Variants in CFDP1 observed in about 807,000 individuals in gnomAD.
The protein encoded by CFDP1 is heterochromatin-stabilizing protein CFDP1.
CFDP1 carries 31 observed loss-of-function variants against 40.1 expected under a neutral mutation model. The observed-to-expected ratio is 0.77, with a 90% CI of 0.58 to 1.04. The LOEUF is 1.04. CFDP1 is among the 50% of genes least tolerant of loss of function. The pLI is 0.00. For synonymous variants in CFDP1, 167 were observed against 120.0 expected, an observed-to-expected ratio of 1.39 and a Z score of -2.56; for missense variants, 423 against 343.4, an observed-to-expected ratio of 1.23 and a Z score of -1.83.
chr16:75,385,466 A>C (rs1306270943), intron 5 of CFDP1, among the ~76,000 whole-genome samples: 1 of 152,202 alleles, frequency 6.6e-6, no homozygotes, highest in African/African-American at 2.4e-5. Context: ...CAGCAACAAC[A>C]AAGTTTTTGT....
At chr16:75,309,833 A>AAAC (rs1469062254) in intron 5 of CFDP1, among the ~76,000 whole-genome samples, 5 of 150,586 alleles carry the variant, frequency 3.3e-5, no homozygotes, top group Non-Finnish European at 7.4e-5. Context: ...AAAAAAAAAA[A>AAAC]AAAAAAAAAA....
intron 5 of CFDP1, among the ~76,000 whole-genome samples, chr16:75,331,107 G>C (rs768994349): frequency 6.6e-6 from 1 of 152,136 alleles, no homozygotes; most frequent in South Asian, 2.1e-4. Flanking sequence ...CCCTGTTCCA[G>C]TGGGGGCCAA....
chr16:75,410,908 CAAAAAA>C (rs74355496), intron 4 of CFDP1, among the ~76,000 whole-genome samples: 1 of 62,608 alleles, frequency 1.6e-5, no homozygotes, highest in African/African-American at 6.5e-5. Context: ...GACTCTGTCT[CAAAAAA>C]AAAAAAAAAA....
At chr16:75,386,591 G>A (rs952902875) in intron 5 of CFDP1, among the ~76,000 whole-genome samples, 1 of 152,122 alleles carries the variant, frequency 6.6e-6, no homozygotes, top group Non-Finnish European at 1.5e-5. Flanking sequence ...CGGGCGTGGT[G>A]GCAGGCTCCT....
At chr16:75,302,288 T>C (rs1165657446) in intron 6 of CFDP1, among the ~76,000 whole-genome samples, 2 of 152,066 alleles carry the variant, frequency 1.3e-5, no homozygotes, top group Non-Finnish European at 2.9e-5. Flanking sequence ...TGGGCCAGGG[T>C]CTCACTCTTT....
chr16:75,319,474 T>C (rs1300117652), intron 5 of CFDP1, among the ~76,000 whole-genome samples: 1 of 152,276 alleles, frequency 6.6e-6, no homozygotes, highest in East Asian at 1.9e-4. Context: ...TTATGGTCGT[T>C]GCATTACACG....
chr16:75,431,379 G>A (rs2079412862), intron 1 of CFDP1, among the ~76,000 whole-genome samples: 2 of 144,022 alleles, frequency 1.4e-5, no homozygotes, highest in Non-Finnish European at 3.0e-5. Context: ...GCGTGAACCC[G>A]GGAGGCAGAG....
intron 6 of CFDP1, among the ~76,000 whole-genome samples, chr16:75,294,613 T>G (rs369462731): frequency 6.6e-6 from 1 of 152,194 alleles, no homozygotes; most frequent in African/African-American, 2.4e-5. Context: ...GTGCACACTT[T>G]AGAAGTGATT....
chr16:75,293,854 G>T lies in CFDP1; in HGVS notation c.*98C>A. On this transcript the variant is annotated 3_prime_UTR_variant, in exon 7 of 7. Coordinates refer to ENST00000283882, the MANE Select transcript of CFDP1 (RefSeq NM_006324.3). Reference sequence around the variant, plus strand: ...TGTAGAAAAAAAAAAGACCTTGCTGGGAAACAGATGATGAGAAACACTGTA... The same window carrying T: ...TGTAGAAAAAAAAAAGACCTTGCTGTGAAACAGATGATGAGAAACACTGTA... 1.0e-6 allele frequency: 1 copy of T among 964,540 alleles called. No homozygotes were observed. The highest frequency in any genetic ancestry group is 2.5e-5 in the East Asian group (1 of 40,038). 59.7% of individuals were successfully genotyped at this position (964,540 alleles called of 1,614,324 possible).
At chr16:75,424,560 T>C (rs530498955) in intron 1 of CFDP1, among the ~76,000 whole-genome samples, 10 of 152,006 alleles carry the variant, frequency 6.6e-5, no homozygotes, top group Admixed American at 2.0e-4. Flanking sequence ...TCAAGACCAT[T>C]CTGGCTAACA....
intron 5 of CFDP1, among the ~76,000 whole-genome samples, chr16:75,346,980 G>A (rs1294754108): frequency 2.0e-5 from 3 of 152,038 alleles, no homozygotes; most frequent in Admixed American, 2.0e-4. Context: ...CCGGGAGCAG[G>A]AGTTCAGTAA....
intron 5 of CFDP1, among the ~76,000 whole-genome samples, chr16:75,344,889 G>A (rs566441136): frequency 2.0e-5 from 3 of 152,092 alleles, no homozygotes; most frequent in Non-Finnish European, 2.9e-5. Flanking sequence ...CTGAGATCGT[G>A]CCACTGCACT....
intron 5 of CFDP1, among the ~76,000 whole-genome samples, chr16:75,330,600 CA>C (rs1209001125): frequency 6.6e-6 from 1 of 152,060 alleles, no homozygotes; most frequent in African/African-American, 2.4e-5. Flanking sequence ...GAAACAAAAA[CA>C]AAAACAAATG....
chr16:75,330,578 A>G (rs911538123), intron 5 of CFDP1, among the ~76,000 whole-genome samples: 32 of 152,198 alleles, frequency 2.1e-4, no homozygotes, highest in African/African-American at 7.7e-4. Flanking sequence ...AACAAGAGTG[A>G]AACTCCATCT....
chr16:75,318,135 T>C (rs1488780113), intron 5 of CFDP1, among the ~76,000 whole-genome samples: 1 of 151,818 alleles, frequency 6.6e-6, no homozygotes, highest in Non-Finnish European at 1.5e-5. Flanking sequence ...TGAGACTCCG[T>C]ATCACAAAAA....
At chr16:75,358,882 G>A (rs1208435861) in intron 5 of CFDP1, among the ~76,000 whole-genome samples, 1 of 152,100 alleles carries the variant, frequency 6.6e-6, no homozygotes, top group African/African-American at 2.4e-5. Flanking sequence ...GTGACTTGTT[G>A]AGAATGTCTA....
intron 1 of CFDP1, among the ~76,000 whole-genome samples, chr16:75,429,294 A>C (rs1474156976): frequency 6.6e-6 from 1 of 152,242 alleles, no homozygotes; most frequent in Admixed American, 6.5e-5. Flanking sequence ...TTTCCAACCT[A>C]GAATTCAAAC....
intron 5 of CFDP1, among the ~76,000 whole-genome samples, chr16:75,363,271 CAAAAAA>C (rs34693612): frequency 6.6e-4 from 92 of 138,466 alleles, no homozygotes; most frequent in African/African-American, 2.5e-3. Context: ...GTCTGAGCAC[CAAAAAA>C]AAAAAAAAAA....
intron 5 of CFDP1, among the ~76,000 whole-genome samples, chr16:75,369,853 C>A (rs1167433717): frequency 6.6e-6 from 1 of 150,558 alleles, no homozygotes; most frequent in African/African-American, 2.4e-5. Flanking sequence ...CCCAGGTTCA[C>A]GTTCAAGCGA....
Sources: gnomAD v4.1 joint callset for allele counts (sites outside exome capture counted in the v4.1 genomes callset) on GRCh38, gnomAD v4.1.1 for gene constraint, MANE v1.5 for transcripts, NCBI Gene and HGNC (gene_info 2026-07-23, HGNC 2026-07-21) for gene names.